SLC44A5: variants seen among roughly 807,000 people sequenced by gnomAD.
The protein encoded by SLC44A5 is solute carrier family 44 member 5.
SLC44A5 carries 57 observed loss-of-function variants against 101.8 expected under a neutral mutation model. The ratio of observed to expected loss-of-function variants is 0.56; its 90% confidence interval spans 0.45 to 0.70. The LOEUF is 0.70. Ranked by LOEUF, SLC44A5 falls within the 30% of genes least tolerant of loss-of-function variation. The pLI is 0.00. For missense variants in SLC44A5, 737 were observed against 853.1 expected, an observed-to-expected ratio of 0.86 and a Z score of 1.70; for synonymous variants, 281 against 290.9, an observed-to-expected ratio of 0.97 and a Z score of 0.35.
At chr1:75,478,168 G>A (rs1667558908) in intron 2 of SLC44A5, among the ~76,000 whole-genome samples, 5 of 152,130 alleles carry the variant, frequency 3.3e-5, no homozygotes, top group African/African-American at 9.7e-5. Flanking sequence ...CATAAGTGAA[G>A]GAGAAATAAA....
Position 75,322,934 on chromosome 1 carries a change from A to G in SLC44A5, c.101+16648T>C, listed in dbSNP as rs114076661. On this transcript the variant is annotated intron_variant, in intron 4 of 23. Transcript: ENST00000370859. Reference sequence around the variant, plus strand: ...TAGGAGACTGAACCAAATAAACTCTAATGTTCTTTTTTTATTATTATTATA... The same window carrying G: ...TAGGAGACTGAACCAAATAAACTCTGATGTTCTTTTTTTATTATTATTATA... 1.6e-3 allele frequency among the ~76,000 whole-genome samples: 237 copies of G among 152,154 alleles called. 2 individuals carry two copies. The highest frequency in any genetic ancestry group is 2.4e-3 in the Non-Finnish European group (161 of 67,990).
the SLC44A5 span, among the ~76,000 whole-genome samples, chr1:75,709,099 A>G: frequency 6.6e-6 from 1 of 152,122 alleles, no homozygotes; most frequent in South Asian, 2.1e-4. Context: ...ACCACTTATG[A>G]TCTTAATCTC....
At chr1:75,635,632 A>C in the SLC44A5 span, among the ~76,000 whole-genome samples, 6 of 128,954 alleles carry the variant, frequency 4.7e-5, no homozygotes, top group Non-Finnish European at 9.6e-5. Context: ...CAGGAAGGGG[A>C]ACATCACACT....
chr1:75,242,874 A>C lies in SLC44A5; in HGVS notation c.471+12T>G, dbSNP rs773786753. 6.4e-7 allele frequency: 1 copy of C among 1,572,482 alleles called. No individual in the cohort carries two copies. Among genetic ancestry groups the C allele is most frequent in the African/African-American group, 1.4e-5 (1 of 72,482 alleles). ...TAAATTGTTCTCTTGCTTTAAGCTT[A>C]AACACACATACCTTCACAGGCTTAG... On this transcript the variant is annotated intron_variant, in intron 8 of 23. Transcript: ENST00000370859.
At chr1:75,321,715 G>A (rs758217057) in intron 4 of SLC44A5, among the ~76,000 whole-genome samples, 1 of 152,170 alleles carries the variant, frequency 6.6e-6, no homozygotes, top group African/African-American at 2.4e-5. Context: ...TGATTTATAA[G>A]TTTATTTCCA....
At chr1:75,662,663 A>G in the SLC44A5 span, among the ~76,000 whole-genome samples, 1 of 141,750 alleles carries the variant, frequency 7.1e-6, no homozygotes, top group South Asian at 2.2e-4. Flanking sequence ...AATTTTAAAA[A>G]TTAGATATAT....
At chr1:75,407,927 C>G (rs566888743) in intron 2 of SLC44A5, among the ~76,000 whole-genome samples, 15 of 152,298 alleles carry the variant, frequency 9.8e-5, no homozygotes, top group African/African-American at 2.6e-4. Flanking sequence ...AACACACAAC[C>G]TACAGAATGG....
chr1:75,346,662 G>A (rs1658278436), intron 3 of SLC44A5, among the ~76,000 whole-genome samples: 1 of 152,044 alleles, frequency 6.6e-6, no homozygotes, highest in South Asian at 2.1e-4. Context: ...TAAAAAGAAA[G>A]TCTGGAAGCA....
At chr1:75,285,641 T>C (rs565386007) in intron 5 of SLC44A5, among the ~76,000 whole-genome samples, 1 of 152,250 alleles carries the variant, frequency 6.6e-6, no homozygotes, top group South Asian at 2.1e-4. Flanking sequence ...ACTTTTGCTG[T>C]ATCCCAGAGG....
the SLC44A5 span, among the ~76,000 whole-genome samples, chr1:75,695,238 T>C: frequency 1.3e-5 from 2 of 152,206 alleles, no homozygotes; most frequent in African/African-American, 4.8e-5. Context: ...CATTGGAATT[T>C]ACAAACTAGT....
At chr1:75,522,308 T>C (rs1259534253) in intron 2 of SLC44A5, 1 of 152,030 alleles carries the variant, frequency 6.6e-6, no homozygotes, top group Admixed American at 6.6e-5. Flanking sequence ...GTATAAATTT[T>C]GTAAATATGT....
intron 18 of SLC44A5, 46 bp from the exon 19 acceptor site, chr1:75,215,903 C>A (rs1280151339): frequency 2.0e-6 from 2 of 1,007,578 alleles, no homozygotes; most frequent in African/African-American, 1.6e-5. Context: ...TGCAGCTGAA[C>A]CTTATCAGTC....
chr1:75,528,847 T>C (rs1473668868), intron 2 of SLC44A5, among the ~76,000 whole-genome samples: 2 of 152,144 alleles, frequency 1.3e-5, no homozygotes, highest in Non-Finnish European at 2.9e-5. Context: ...TTGTATACAC[T>C]GGTTTCTCAG....
intron 1 of SLC44A5, among the ~76,000 whole-genome samples, chr1:75,599,989 G>A (rs969105091): frequency 2.0e-5 from 3 of 152,158 alleles, no homozygotes; most frequent in Non-Finnish European, 4.4e-5. Context: ...TGTCATAAGT[G>A]CAGGAGTTTC....
the SLC44A5 span, among the ~76,000 whole-genome samples, chr1:75,692,185 C>CTTTTTTTT: frequency 7.1e-5 from 6 of 84,762 alleles, no homozygotes; most frequent in Non-Finnish European, 1.1e-4. Flanking sequence ...AGATGGGATT[C>CTTTTTTTT]TTTTTTTTTT....
intron 3 of SLC44A5, among the ~76,000 whole-genome samples, chr1:75,368,313 T>C (rs1034017696): frequency 3.9e-5 from 6 of 152,214 alleles, no homozygotes; most frequent in Non-Finnish European, 5.9e-5. Context: ...CTTTCCCTTA[T>C]AACAAAATCC....
At chr1:75,232,180 G>A (rs1647635319) in intron 12 of SLC44A5, among the ~76,000 whole-genome samples, 1 of 151,978 alleles carries the variant, frequency 6.6e-6, no homozygotes, top group African/African-American at 2.4e-5. Flanking sequence ...GAGTCAATAG[G>A]GAGCGAAAAT....
chr1:75,578,729 A>C (rs370721384), intron 1 of SLC44A5, among the ~76,000 whole-genome samples: 20 of 152,248 alleles, frequency 1.3e-4, no homozygotes, highest in African/African-American at 4.8e-4. Flanking sequence ...AACATAGTAA[A>C]ACATAGTTAA....
chr1:75,456,158 C>T (rs144284563), intron 2 of SLC44A5, among the ~76,000 whole-genome samples: 1 of 152,054 alleles, frequency 6.6e-6, no homozygotes, highest in Non-Finnish European at 1.5e-5. Flanking sequence ...ACATATATAC[C>T]GTGGAATACT....
Sources: allele counts gnomAD v4.1 joint callset (sites outside exome capture counted in the v4.1 genomes callset), GRCh38; gene constraint gnomAD v4.1.1; transcripts MANE v1.5; gene names NCBI Gene and HGNC (gene_info 2026-07-23, HGNC 2026-07-21).